Variants in TNNI3K observed in about 807,000 individuals in gnomAD.
The protein encoded by TNNI3K is TNNI3 interacting kinase.
TNNI3K carries 140 observed loss-of-function variants against 114.5 expected under a neutral mutation model. That is an observed-to-expected ratio of 1.22 (90% CI 1.07 to 1.41). TNNI3K has a LOEUF of 1.41. TNNI3K is among the 40% of genes most tolerant of loss of function. The pLI, the probability that TNNI3K is intolerant of heterozygous loss-of-function variation, is 0.00. For synonymous variants in TNNI3K, 347 were observed against 347.5 expected, an observed-to-expected ratio of 1.00 and a Z score of 0.02; for missense variants, 1,125 against 1,007.6, an observed-to-expected ratio of 1.12 and a Z score of -1.58.
chr1:74,430,846 A>T (rs912447620), intron 17 of TNNI3K, among the ~76,000 whole-genome samples: 1 of 152,140 alleles, frequency 6.6e-6, no homozygotes, highest in Non-Finnish European at 1.5e-5. Flanking sequence ...AAGCAGAAAT[A>T]GTTTTGGAGA....
At chr1:74,286,271 C>T (rs1235608349) in intron 5 of TNNI3K, among the ~76,000 whole-genome samples, 1 of 152,172 alleles carries the variant, frequency 6.6e-6, no homozygotes, top group Admixed American at 6.5e-5. Flanking sequence ...TCCTCATGTC[C>T]CCAGACCTCT....
intron 20 of TNNI3K, among the ~76,000 whole-genome samples, chr1:74,441,414 A>G (rs1441888531): frequency 6.6e-6 from 1 of 152,172 alleles, no homozygotes; most frequent in African/African-American, 2.4e-5. Flanking sequence ...TGATTTATTT[A>G]TGCATACAGA....
At chr1:74,490,638 G>T (rs1461071104) in intron 22 of TNNI3K, among the ~76,000 whole-genome samples, 3 of 152,152 alleles carry the variant, frequency 2.0e-5, no homozygotes, top group African/African-American at 7.2e-5. Context: ...ATGAGAGTCA[G>T]CCTAAAGAGG....
At chr1:74,251,770 G>A (rs1374995558) in intron 4 of TNNI3K, among the ~76,000 whole-genome samples, 1 of 152,128 alleles carries the variant, frequency 6.6e-6, no homozygotes, top group African/African-American at 2.4e-5. Context: ...GGAGGGAAGA[G>A]GACCTTATTT....
chr1:74,388,696 A>G (rs925573558), intron 17 of TNNI3K, among the ~76,000 whole-genome samples: 1 of 152,240 alleles, frequency 6.6e-6, no homozygotes, highest in Non-Finnish European at 1.5e-5. Flanking sequence ...AAATATAACA[A>G]GGAAAACGGT....
At chr1:74,370,465 T>C (rs1025281112) in intron 17 of TNNI3K, 73 bp downstream of exon 17, 30 of 1,375,054 alleles carry the variant, frequency 2.2e-5, no homozygotes, top group Admixed American at 5.7e-5. Flanking sequence ...TCAGTGAAGA[T>C]ACATTTTAGA....
At chr1:74,513,819 T>G (rs536678693) in intron 23 of TNNI3K, among the ~76,000 whole-genome samples, 1 of 152,300 alleles carries the variant, frequency 6.6e-6, no homozygotes, top group African/African-American at 2.4e-5. Flanking sequence ...TGTCAAAGTT[T>G]CACAAAAAGG....
In TNNI3K at chr1:74,250,770, G is replaced by T; in HGVS notation, c.333+1G>T. ...AGCCTTGCATTTAGCAGTTTACAAGGTAGGACACTTTAATTCCCATAAACA... is the reference window on the plus strand; with the variant it reads ...AGCCTTGCATTTAGCAGTTTACAAGTTAGGACACTTTAATTCCCATAAACA... On this transcript the variant is annotated splice_donor_variant, in intron 4 of 24. Coordinates refer to ENST00000326637, the MANE Select transcript of TNNI3K (RefSeq NM_015978.3). LOFTEE classifies it high-confidence loss of function. The T allele has an allele frequency of 6.2e-7, 1 of 1,604,432 alleles. No individual in the cohort carries two copies. Among genetic ancestry groups the T allele is most frequent in the Non-Finnish European group, 8.5e-7 (1 of 1,175,706 alleles).
intron 2 of TNNI3K, among the ~76,000 whole-genome samples, chr1:74,238,049 G>A (rs769802901): frequency 6.6e-6 from 1 of 151,830 alleles, no homozygotes; most frequent in Non-Finnish European, 1.5e-5. Flanking sequence ...CAAGATTTAG[G>A]TCCTGATTTA....
At chr1:74,345,333 G>A (rs1323857844) in intron 9 of TNNI3K, among the ~76,000 whole-genome samples, 1 of 152,036 alleles carries the variant, frequency 6.6e-6, no homozygotes, top group Non-Finnish European at 1.5e-5. Flanking sequence ...GATTCTTTCA[G>A]TCCTTAAAGG....
chr1:74,446,644 G>T (rs1042535778), intron 20 of TNNI3K, among the ~76,000 whole-genome samples: 2 of 150,318 alleles, frequency 1.3e-5, no homozygotes, highest in Admixed American at 1.3e-4. Context: ...GTAATGCCAA[G>T]GTTTTCTTCT....
chr1:74,446,823 T>C (rs1158388781), intron 20 of TNNI3K, among the ~76,000 whole-genome samples: 6 of 149,970 alleles, frequency 4.0e-5, no homozygotes, highest in African/African-American at 1.5e-4. Flanking sequence ...CTTGTTTTTC[T>C]CAGATTTGTC....
chr1:74,541,798 G>T (rs1478839978), intron 24 of TNNI3K, among the ~76,000 whole-genome samples: 1 of 152,166 alleles, frequency 6.6e-6, no homozygotes, highest in Non-Finnish European at 1.5e-5. Context: ...TATAAACAAA[G>T]AAGATACATT....
At chr1:74,528,564 A>G (rs1646538191) in intron 23 of TNNI3K, among the ~76,000 whole-genome samples, 1 of 152,186 alleles carries the variant, frequency 6.6e-6, no homozygotes, top group Admixed American at 6.5e-5. Context: ...AAGTAAATAT[A>G]TTTAGGATAA....
rs1427307733 is a variant in TNNI3K, at chr1:74,319,451, C to T, written c.445-11999C>T. Among the ~76,000 whole-genome samples, 3 of 152,168 alleles carry T rather than the reference C, an allele frequency of 2.0e-5. 1 individual carries two copies. In the South Asian group the frequency reaches 6.2e-4, roughly 31 times the overall value. On this transcript the variant is annotated intron_variant, in intron 5 of 24. Coordinates refer to ENST00000326637, the MANE Select transcript of TNNI3K (RefSeq NM_015978.3). ...TACTTAGCCTCATGTAGAAGCAATA[C>T]CACTTATATTTTATCCAAGACAATA...
rs373201938 is a variant in TNNI3K, at chr1:74,544,008, A to T, written c.*26A>T. The T allele has an allele frequency of 1.2e-6, 2 of 1,600,378 alleles. No individual in the cohort carries two copies. ...CAGCATTCGGCGTATACCTAAGGAGAGTTTTTTCCCCGAACTGACAGCAAC... is the reference window on the plus strand; with the variant it reads ...CAGCATTCGGCGTATACCTAAGGAGTGTTTTTTCCCCGAACTGACAGCAAC... On this transcript the variant is annotated 3_prime_UTR_variant, in exon 25 of 25. Coordinates refer to ENST00000326637, the MANE Select transcript of TNNI3K (RefSeq NM_015978.3).
intron 5 of TNNI3K, among the ~76,000 whole-genome samples, chr1:74,277,332 A>G (rs1172444468): frequency 6.6e-6 from 1 of 152,158 alleles, no homozygotes; most frequent in African/African-American, 2.4e-5. Context: ...CTGTAGTCTT[A>G]TACATAAAAG....
At chr1:74,358,305 T>C (rs1661767745) in intron 11 of TNNI3K, among the ~76,000 whole-genome samples, 1 of 152,062 alleles carries the variant, frequency 6.6e-6, no homozygotes, top group Non-Finnish European at 1.5e-5. Context: ...GACAGGAAGC[T>C]GGAGGTGGAG....
intron 21 of TNNI3K, chr1:74,470,241 A>G: frequency 2.5e-6 from 1 of 400,686 alleles, no homozygotes; most frequent in Non-Finnish European, 4.4e-6. Flanking sequence ...AGCTTGCATC[A>G]TGTAATATAT....
Sources: allele counts gnomAD v4.1 joint callset (sites outside exome capture counted in the v4.1 genomes callset), GRCh38; gene constraint gnomAD v4.1.1; transcripts MANE v1.5; gene names NCBI Gene and HGNC (gene_info 2026-07-23, HGNC 2026-07-21).